STARD13: variants seen among roughly 807,000 people sequenced by gnomAD.
STARD13 encodes stAR-related lipid transfer protein 13.
A neutral mutation model predicts 106.4 loss-of-function variants in STARD13; 62 were observed. The ratio of observed to expected loss-of-function variants is 0.58; its 90% CI spans 0.48 to 0.72. The LOEUF is 0.72. STARD13 is among the 30% of genes least tolerant of loss of function. STARD13 has a pLI of 0.00. For missense variants in STARD13, 1,387 were observed against 1,424.0 expected (o/e 0.97, Z 0.42); for synonymous variants, 565 against 553.0 (o/e 1.02, Z -0.31).
chr13:33,357,999 C>T, the STARD13 span, among the ~76,000 whole-genome samples: 2 of 152,210 alleles, frequency 1.3e-5, no homozygotes, highest in African/African-American at 2.4e-5. Context: ...CGAGCGGGAA[C>T]CGGGGCTGCG....
chr13:33,585,147 T>C, the STARD13 span, among the ~76,000 whole-genome samples: 2 of 152,204 alleles, frequency 1.3e-5, no homozygotes, highest in African/African-American at 2.4e-5. Flanking sequence ...GGCAAAGATA[T>C]GGAGAAAATG....
intron 1 of STARD13, among the ~76,000 whole-genome samples, chr13:33,244,176 G>A (rs941813608): frequency 6.6e-6 from 1 of 152,028 alleles, no homozygotes; most frequent in Middle Eastern, 3.4e-3. Flanking sequence ...TGGGAATGCC[G>A]ATACCATGAA....
intron 1 of STARD13, among the ~76,000 whole-genome samples, chr13:33,331,768 T>C (rs540141427): frequency 5.9e-5 from 9 of 152,160 alleles, no homozygotes; most frequent in Non-Finnish European, 7.4e-5. Flanking sequence ...CATAGCAGAG[T>C]GTCTGACACA....
upstream of STARD13, among the ~76,000 whole-genome samples, chr13:33,288,557 G>A (rs531922519): frequency 1.3e-5 from 2 of 150,152 alleles, no homozygotes; most frequent in African/African-American, 4.9e-5. Context: ...TTACAGGCGT[G>A]ACCAATCACA....
the STARD13 span, among the ~76,000 whole-genome samples, chr13:33,648,412 T>C: frequency 6.6e-6 from 1 of 152,252 alleles, no homozygotes; most frequent in Admixed American, 6.5e-5. Context: ...AAATCGTAGC[T>C]CTGCCACTTA....
At chr13:33,160,109 G>A (rs369435011) in intron 3 of STARD13, among the ~76,000 whole-genome samples, 1 of 152,266 alleles carries the variant, frequency 6.6e-6, no homozygotes, top group East Asian at 1.9e-4. Flanking sequence ...GTGTCACATT[G>A]ATGAAAGAAC....
intron 1 of STARD13, among the ~76,000 whole-genome samples, chr13:33,182,902 TGCCTG>T (rs1307481825): frequency 6.6e-6 from 1 of 152,244 alleles, no homozygotes; most frequent in East Asian, 1.9e-4. Flanking sequence ...AGTGCCTTCC[TGCCTG>T]GCCTCTGTGT....
At chr13:33,123,179 G>A (rs1187017216) in intron 7 of STARD13, among the ~76,000 whole-genome samples, 3 of 152,018 alleles carry the variant, frequency 2.0e-5, no homozygotes, top group African/African-American at 2.4e-5. Context: ...GCGGGGGCAG[G>A]GACACTTGTA....
At chr13:33,487,448 C>T in the STARD13 span, among the ~76,000 whole-genome samples, 8 of 151,782 alleles carry the variant, frequency 5.3e-5, no homozygotes, top group Non-Finnish European at 1.5e-5. Context: ...AATGAGGAGA[C>T]ATTAGTATAT....
At position 33,142,336 on chromosome 13, in the gene STARD13, G is replaced by A; in HGVS notation, c.361C>T (p.Leu121Phe). ...TTTTTCCTTTGGAAGTTCACATCAA[G>A]TTTCATTGAGGCACACTTGTTCAAC... is the stretch of plus-strand genomic sequence containing the variant. ...NTLNKCASMKLDVNFQRKKGD... is the reference protein window; with the variant it reads ...NTLNKCASMKFDVNFQRKKGD... The change falls in exon 4 of 14, where the codon CTT (leucine) becomes TTT (phenylalanine). Residue 121 changes from leucine to phenylalanine, a missense_variant. Leu to Phe is a conservative substitution (Grantham distance 22, BLOSUM62 0). Transcript: ENST00000336934. The A allele has an allele frequency of 6.2e-7, 1 of 1,613,990 alleles. No homozygotes were observed. Among genetic ancestry groups the A allele is most frequent in the South Asian group, 1.1e-5 (1 of 91,072 alleles).
At chr13:33,486,684 C>T in the STARD13 span, among the ~76,000 whole-genome samples, 1 of 152,146 alleles carries the variant, frequency 6.6e-6, no homozygotes, top group Non-Finnish European at 1.5e-5. Context: ...TGTTTACTGA[C>T]ACACTTCTTT....
the STARD13 span, among the ~76,000 whole-genome samples, chr13:33,528,965 A>T: frequency 6.6e-6 from 1 of 152,132 alleles, no homozygotes; most frequent in Non-Finnish European, 1.5e-5. Context: ...CTGCCATCTC[A>T]TTGGAATAAA....
the STARD13 span, among the ~76,000 whole-genome samples, chr13:33,659,309 G>A: frequency 5.0e-4 from 75 of 148,972 alleles, no homozygotes; most frequent in African/African-American, 1.8e-3. Context: ...TCTGCCTCCC[G>A]GGTTCAAGCA....
At chr13:33,262,025 G>A (rs1483958051) in intron 1 of STARD13, among the ~76,000 whole-genome samples, 1 of 152,150 alleles carries the variant, frequency 6.6e-6, no homozygotes, top group African/African-American at 2.4e-5. Context: ...AATCTGGATT[G>A]TGTTCATCCT....
At chr13:33,473,503 G>A in the STARD13 span, among the ~76,000 whole-genome samples, 10 of 152,096 alleles carry the variant, frequency 6.6e-5, no homozygotes, top group East Asian at 3.9e-4. Context: ...TATTGTTGCC[G>A]GACTTCAGCA....
At chr13:33,318,302 T>C (rs1287074661) in intron 1 of STARD13, among the ~76,000 whole-genome samples, 1 of 152,182 alleles carries the variant, frequency 6.6e-6, no homozygotes, top group Non-Finnish European at 1.5e-5. Context: ...AATGAATGTG[T>C]CAACAGGATA....
intron 1 of STARD13, among the ~76,000 whole-genome samples, chr13:33,311,709 G>A (rs1215832729): frequency 6.6e-6 from 1 of 152,126 alleles, no homozygotes; most frequent in Admixed American, 6.5e-5. Context: ...TATTTAGTGG[G>A]CTCCTTTTTG....
the STARD13 span, among the ~76,000 whole-genome samples, chr13:33,546,406 A>G: frequency 6.6e-6 from 1 of 152,198 alleles, no homozygotes; most frequent in Admixed American, 6.5e-5. Flanking sequence ...GCCTAATAGT[A>G]CTAATAGTCA....
At chr13:33,358,449 C>G in the STARD13 span, among the ~76,000 whole-genome samples, 4 of 152,230 alleles carry the variant, frequency 2.6e-5, no homozygotes, top group Non-Finnish European at 5.9e-5. Context: ...GCTCCTGAGT[C>G]TGGTGGGGAC....
Sources: allele counts gnomAD v4.1 joint callset (sites outside exome capture counted in the v4.1 genomes callset), GRCh38; gene constraint gnomAD v4.1.1; transcripts MANE v1.5; gene names NCBI Gene and HGNC (gene_info 2026-07-23, HGNC 2026-07-21).